The following LLGL2 variants were observed in gnomAD, a reference collection of about 807,000 sequenced individuals.
LLGL2 encodes LLGL2, scribble cell polarity complex component.
LLGL2 carries 81 observed loss-of-function variants against 123.2 expected under a neutral mutation model. The ratio of observed to expected loss-of-function variants is 0.66; its 90% CI spans 0.55 to 0.79. LLGL2 has a LOEUF of 0.79. Ranked by LOEUF, LLGL2 falls within the 30% of genes least tolerant of loss-of-function variation. LLGL2 has a pLI of 0.00. For missense variants in LLGL2, 1,273 were observed against 1,414.6 expected (o/e 0.90, Z 1.61); for synonymous variants, 577 against 594.1 (o/e 0.97, Z 0.42).
rs773994090 is a variant in LLGL2, at chr17:75,573,147, C to A, written c.2594C>A (p.Ala865Glu). ...GAGGACTACGGGGAGCACCACCTGGCAGTCCTTACCAACCTGGGCGACATC... is the reference window on the plus strand; with the variant it reads ...GAGGACTACGGGGAGCACCACCTGGAAGTCCTTACCAACCTGGGCGACATC... Reference protein sequence around the residue: ...RAEDYGEHHLAVLTNLGDIQV... With the variant: ...RAEDYGEHHLEVLTNLGDIQV... The change falls in exon 20 of 26, where the codon GCA becomes GAA. Residue 865 changes from alanine to glutamate, a missense_variant. Physicochemically the swap from Ala to Glu is moderately radical, Grantham distance 107. Transcript: ENST00000392550. The A allele has an allele frequency of 4.3e-6, 7 of 1,613,150 alleles. No homozygotes were observed. Among genetic ancestry groups the A allele is most frequent in the Admixed American group, 1.7e-5 (1 of 60,022 alleles).
rs534366232 is a variant in LLGL2 at position 75,574,242 on chromosome 17, G to A, written c.2935G>A (p.Ala979Thr). Reference protein sequence around the residue: ...EKQPGLVMERALLSDERVLKE... With the variant: ...EKQPGLVMERTLLSDERVLKE... Reference sequence around the variant, plus strand: ...GCAGCCCGGCCTGGTGATGGAGCGCGCTCTGCTCAGTGATGAGAGTGAGTT... The same window carrying A: ...GCAGCCCGGCCTGGTGATGGAGCGCACTCTGCTCAGTGATGAGAGTGAGTT... The change falls in exon 23 of 26, where the codon GCT (alanine) becomes ACT (threonine). Residue 979 changes from alanine to threonine, a missense_variant. By Grantham distance (58) the Ala-to-Thr change is moderately conservative. Coordinates refer to ENST00000392550, the MANE Select transcript of LLGL2 (RefSeq NM_001031803.2). The A allele has an allele frequency of 1.1e-5, 17 of 1,535,162 alleles. No homozygotes were observed. The highest frequency in any genetic ancestry group is 4.1e-5 in the Admixed American group (2 of 49,302).
chr17:75,526,656 C>T (rs1449593075), intron 1 of LLGL2, among the ~76,000 whole-genome samples: 2 of 152,032 alleles, frequency 1.3e-5, no homozygotes, highest in African/African-American at 4.8e-5. Context: ...GATCCGTATG[C>T]GACTGCCGGC....
chr17:75,541,040 G>C (rs1382532263), intron 1 of LLGL2, among the ~76,000 whole-genome samples: 1 of 152,186 alleles, frequency 6.6e-6, no homozygotes, highest in East Asian at 1.9e-4. Context: ...ACTCCCTACT[G>C]CACAGCAGGT....
At chr17:75,527,545 G>A (rs2053616135) in intron 1 of LLGL2, among the ~76,000 whole-genome samples, 1 of 151,828 alleles carries the variant, frequency 6.6e-6, no homozygotes, top group Non-Finnish European at 1.5e-5. Flanking sequence ...TCATAAATAA[G>A]AAATAAAATA....
In LLGL2 at chr17:75,573,650, GGCCTCTCCC is replaced by G. The variant is rs779397994; in HGVS notation, c.2876+23_2876+31del. 2 of 1,571,070 alleles carry G rather than the reference GGCCTCTCCC, an allele frequency of 1.3e-6. No homozygotes were observed. The highest frequency in any genetic ancestry group is 1.1e-5 in the South Asian group (1 of 89,808). On this transcript the variant is annotated intron_variant, in intron 21 of 25. Transcript: ENST00000392550. ...GAGCCAGGTGAGTGAAAGGGCCAGA[GGCCTCTCCC>G]GCCCCTCCCGCCCCTCCCTGCCCTC... is the stretch of plus-strand genomic sequence containing the variant.
chr17:75,563,242 C>T (rs2055302322), intron 7 of LLGL2, 64 bp downstream of exon 7: 1 of 1,608,184 alleles, frequency 6.2e-7, no homozygotes. Flanking sequence ...GTGGCACATA[C>T]ACACTGTGCA....
In LLGL2 at chr17:75,568,516, G is replaced by C. The variant is rs1568068418; in HGVS notation, c.1077G>C (p.Glu359Asp). 6.2e-7 allele frequency: 1 copy of C among 1,613,500 alleles called. No individual in the cohort carries two copies. Among genetic ancestry groups the C allele is most frequent in the Non-Finnish European group, 8.5e-7 (1 of 1,180,010 alleles). Residue 359 changes from glutamate (E) to aspartate (D), a missense_variant, in exon 11 of 26, where the codon GAG becomes GAC. By Grantham distance (45) the Glu-to-Asp change is conservative. Coordinates refer to ENST00000392550, the MANE Select transcript of LLGL2 (RefSeq NM_001031803.2). ...ATGCCCTGGTGGTGCTGGCTGAGGA[G>C]GAGCTGGTGGTGATTGACCTGCAGA... ...DPYALVVLAE[E>D]ELVVIDLQTA...
At position 75,531,571 on chromosome 17, in the gene LLGL2, G is replaced by A. The variant is rs558640658; in HGVS notation, c.-31+5746G>A. ...ATATCGTTCTCAGGGTTCCTCCTGG[G>A]GCGAGGCACGCCAGGTCTGCTTGGC... On this transcript the variant is annotated intron_variant, in intron 1 of 25. Coordinates refer to ENST00000392550, the MANE Select transcript of LLGL2 (RefSeq NM_001031803.2). Among the ~76,000 whole-genome samples the A allele has an allele frequency of 3.9e-5, 6 of 152,348 alleles. No homozygotes were observed. In the South Asian group the frequency reaches 6.2e-4, roughly 16 times the overall value.
chr17:75,564,854 C>A lies in LLGL2; in HGVS notation c.1036+347C>A. 1.2e-5 allele frequency: 2 copies of A among 170,702 alleles called. No homozygotes were observed. Among genetic ancestry groups the A allele is most frequent in the Non-Finnish European group, 1.1e-5 (1 of 89,252 alleles). 10.6% of individuals were successfully genotyped at this position (170,702 alleles called of 1,614,324 possible). A position where few individuals can be genotyped will look rare whatever the true frequency, so the allele number is the denominator to read the frequency against. ...ACTCAGCCTGGGTGACATAGCCAGACTGTGTCTCAAAAAAAAAAAAAAAAA... is the reference window on the plus strand; with the variant it reads ...ACTCAGCCTGGGTGACATAGCCAGAATGTGTCTCAAAAAAAAAAAAAAAAA... On this transcript the variant is annotated intron_variant, in intron 10 of 25. Coordinates refer to ENST00000392550, the MANE Select transcript of LLGL2 (RefSeq NM_001031803.2). The surrounding 1 kb of genome is among the most constrained non-coding windows in gnomAD (Gnocchi z 4.9).
intron 2 of LLGL2, among the ~76,000 whole-genome samples, chr17:75,550,706 G>C (rs776343821): frequency 6.6e-6 from 1 of 150,544 alleles, no homozygotes; most frequent in African/African-American, 2.4e-5. Context: ...ACTTGAGCCC[G>C]GGAGGAGGAG....
upstream of LLGL2, among the ~76,000 whole-genome samples, chr17:75,525,395 G>A (rs1008160480): frequency 1.3e-5 from 2 of 152,088 alleles, no homozygotes; most frequent in Non-Finnish European, 2.9e-5. The surrounding 1 kb of genome is among the most constrained non-coding windows in gnomAD (Gnocchi z 4.8). Context: ...GGCGGCCCGG[G>A]ACCGCAGGCG....
intron 1 of LLGL2, among the ~76,000 whole-genome samples, chr17:75,534,061 G>T (rs954110564): frequency 2.0e-5 from 3 of 152,246 alleles, no homozygotes; most frequent in African/African-American, 7.2e-5. Flanking sequence ...TGGATGGGCT[G>T]GATGGCCTGC....
chr17:75,544,519 C>T lies in LLGL2; in HGVS notation c.75+1018C>T, dbSNP rs1165622312. On this transcript the variant is annotated intron_variant, in intron 2 of 25. Transcript: ENST00000392550. The surrounding 1 kb of genome is among the most constrained non-coding windows in gnomAD (Gnocchi z 4.2). ...AAGTCAGCTTGCCCAGGTGCAAACC[C>T]AACTTTGCCACATAGAAGCTGGATG... is the stretch of plus-strand genomic sequence containing the variant. Among the ~76,000 whole-genome samples the T allele has an allele frequency of 6.6e-6, 1 of 152,234 alleles. No individual in the cohort carries two copies. Among genetic ancestry groups the T allele is most frequent in the Non-Finnish European group, 1.5e-5 (1 of 68,034 alleles).
rs1454942439 is a variant in LLGL2 at position 75,549,517 on chromosome 17, G to T, written c.75+6016G>T. Among the ~76,000 whole-genome samples the T allele has an allele frequency of 6.6e-6, 1 of 152,186 alleles. No homozygotes were observed. The highest frequency in any genetic ancestry group is 1.5e-5 in the Non-Finnish European group (1 of 68,024). ...TTCCTGACCCAGCAGCCCCTGCGGA[G>T]GGCCAGGTTGTTCTGTATTGGCTTT... On this transcript the variant is annotated intron_variant, in intron 2 of 25. Transcript: ENST00000392550. The surrounding 1 kb of genome is among the most constrained non-coding windows in gnomAD (Gnocchi z 4.0).
intron 16 of LLGL2, 38 bp from the exon 17 acceptor site, chr17:75,570,912 G>T (rs1218771382): frequency 1.3e-6 from 2 of 1,570,578 alleles, no homozygotes; most frequent in South Asian, 1.2e-5. Context: ...GGGGAGGGGA[G>T]TCCAGAGCTG....
intron 1 of LLGL2, among the ~76,000 whole-genome samples, chr17:75,536,259 C>T (rs1329951944): frequency 6.6e-6 from 1 of 152,142 alleles, no homozygotes; most frequent in Non-Finnish European, 1.5e-5. Flanking sequence ...GACTTGAGGA[C>T]TTGGGGGGCT....
At chr17:75,569,899 A>G in intron 14 of LLGL2, 64 bp from the exon 15 acceptor site, 1 of 1,510,432 alleles carries the variant, frequency 6.6e-7, no homozygotes, top group Non-Finnish European at 8.9e-7. Flanking sequence ...CCCCACTAGT[A>G]GCATCCTGCG....
At chr17:75,563,857 T>C in intron 9 of LLGL2, 51 bp downstream of exon 9, 1 of 1,576,762 alleles carries the variant, frequency 6.3e-7, no homozygotes. Flanking sequence ...CCTGGAGGGC[T>C]AGAAAGGTCA....
At chr17:75,525,570 C>A (rs1392416781), upstream of LLGL2, among the ~76,000 whole-genome samples, 1 of 150,784 alleles carries the variant, frequency 6.6e-6, no homozygotes, top group Non-Finnish European at 1.5e-5. The surrounding 1 kb of genome is among the most constrained non-coding windows in gnomAD (Gnocchi z 4.8). Flanking sequence ...GGCAGGAGCG[C>A]AGCCCCCACC....
Sources: allele counts gnomAD v4.1 joint callset (sites outside exome capture counted in the v4.1 genomes callset), GRCh38; gene constraint gnomAD v4.1.1; non-coding constraint Gnocchi (gnomAD v3.1); transcripts MANE v1.5; gene names NCBI Gene and HGNC (gene_info 2026-07-23, HGNC 2026-07-21).